The following CSMD1 variants were observed in gnomAD, a reference collection of about 807,000 sequenced individuals.
CSMD1 encodes the protein CUB and sushi domain-containing protein 1.
Under a neutral mutation model 417.5 loss-of-function variants are expected in CSMD1, and 213 were observed. The observed-to-expected ratio is 0.51, with a 90% CI of 0.46 to 0.57. The LOEUF (loss-of-function observed/expected upper bound fraction) is 0.57, where lower values mean the gene tolerates loss of function less well. Among genes scored for constraint, CSMD1 ranks in the 20% least tolerant of loss-of-function variants. The pLI is 0.00. For missense variants in CSMD1, 6,923 were observed against 4,529.7 expected, an observed-to-expected ratio of 1.53 and a Z score of -15.17; for synonymous variants, 2,862 against 1,736.8, an observed-to-expected ratio of 1.65 and a Z score of -16.11.
At chr8:3,474,079 G>C (rs1234039609) in intron 11 of CSMD1, among the ~76,000 whole-genome samples, 1 of 152,082 alleles carries the variant, frequency 6.6e-6, no homozygotes, top group Non-Finnish European at 1.5e-5. Flanking sequence ...ATTACAATTA[G>C]AGATGAGATT....
chr8:3,084,632 A>G (rs72621193), intron 49 of CSMD1, among the ~76,000 whole-genome samples: 37,349 of 151,754 alleles, frequency 0.25, 4,937 homozygotes, highest in East Asian at 0.35. Context: ...AAAATCACAC[A>G]TTTATATTTT....
intron 5 of CSMD1, among the ~76,000 whole-genome samples, chr8:3,773,998 T>G (rs1456711281): frequency 6.6e-6 from 1 of 152,170 alleles, no homozygotes; most frequent in Non-Finnish European, 1.5e-5. Flanking sequence ...TCTTAATTCT[T>G]TTACTTACAC....
intron 6 of CSMD1, among the ~76,000 whole-genome samples, chr8:3,736,087 C>A (rs144110830): frequency 2.0e-5 from 3 of 152,126 alleles, no homozygotes; most frequent in African/African-American, 4.8e-5. Context: ...ATAAATTCTA[C>A]GTTTCCAACA....
At chr8:3,623,136 T>C (rs932800426) in intron 7 of CSMD1, among the ~76,000 whole-genome samples, 1 of 152,174 alleles carries the variant, frequency 6.6e-6, no homozygotes, top group East Asian at 1.9e-4. Context: ...CAGATATAAA[T>C]TAGACAGTTT....
intron 1 of CSMD1, among the ~76,000 whole-genome samples, chr8:4,928,596 T>C (rs2117179049): frequency 6.6e-6 from 1 of 152,294 alleles, no homozygotes; most frequent in Middle Eastern, 3.4e-3. Flanking sequence ...CGAAAGAGGC[T>C]ATCCACAAAC....
At position 4,465,108 on chromosome 8, in the gene CSMD1, AAC is replaced by A. The variant is rs1311335610; in HGVS notation, c.303-45045_303-45044del. Among the ~76,000 whole-genome samples, 13 of 152,282 alleles carry A rather than the reference AAC, an allele frequency of 8.5e-5. No homozygotes were observed. The East Asian group carries it at 2.3e-3, about 27-fold the overall frequency. On this transcript the variant is annotated intron_variant, in intron 2 of 69. Coordinates refer to ENST00000635120, the MANE Select transcript of CSMD1 (RefSeq NM_033225.6). ...GGAACGGTTTTCACTGGGAGACACT[AAC>A]AGTTAATTTTCCCATCTAAGGCTCA...
intron 3 of CSMD1, among the ~76,000 whole-genome samples, chr8:4,131,242 G>C (rs2130980608): frequency 6.6e-6 from 1 of 152,296 alleles, no homozygotes; most frequent in Non-Finnish European, 1.5e-5. Flanking sequence ...TGGTGTGGCT[G>C]AGTACAGAAA....
intron 11 of CSMD1, among the ~76,000 whole-genome samples, chr8:3,470,268 T>G (rs1171150950): frequency 2.0e-5 from 3 of 152,220 alleles, no homozygotes; most frequent in African/African-American, 7.2e-5. Context: ...TGTAGTATTG[T>G]TTCATTTACT....
intron 1 of CSMD1, among the ~76,000 whole-genome samples, chr8:4,978,862 C>G (rs1810712826): frequency 7.1e-6 from 1 of 140,132 alleles, no homozygotes; most frequent in African/African-American, 2.4e-5. Context: ...CGCTTGAACC[C>G]AGGAGGCGGA....
intron 46 of CSMD1, among the ~76,000 whole-genome samples, chr8:3,102,528 C>T (rs200134262): frequency 0.026 from 3,920 of 152,192 alleles, 140 homozygotes; most frequent in East Asian, 0.18. Context: ...TAGAGAATAA[C>T]GCTCATGTTG....
At chr8:3,701,417 C>T (rs1003502917) in intron 7 of CSMD1, among the ~76,000 whole-genome samples, 9 of 152,126 alleles carry the variant, frequency 5.9e-5, no homozygotes, top group Non-Finnish European at 8.8e-5. Flanking sequence ...AGTCTGTCCC[C>T]GGGCTGAACC....
chr8:4,530,459 G>T (rs1235506166), intron 2 of CSMD1, among the ~76,000 whole-genome samples: 2 of 150,324 alleles, frequency 1.3e-5, no homozygotes, highest in Non-Finnish European at 2.9e-5. Context: ...ATCCCCACAT[G>T]CATTAGGTAT....
intron 2 of CSMD1, among the ~76,000 whole-genome samples, chr8:4,471,476 T>C (rs1181127637): frequency 6.6e-6 from 1 of 152,144 alleles, no homozygotes; most frequent in Non-Finnish European, 1.5e-5. Flanking sequence ...ACAAGATGCA[T>C]GTGCCTAACA....
At chr8:4,195,219 T>G (rs1799260501) in intron 3 of CSMD1, among the ~76,000 whole-genome samples, 1 of 152,156 alleles carries the variant, frequency 6.6e-6, no homozygotes, top group Admixed American at 6.5e-5. Flanking sequence ...GTGCATACAT[T>G]CGATTTCAGG....
At chr8:3,395,700 G>T (rs1414049829) in intron 17 of CSMD1, among the ~76,000 whole-genome samples, 2 of 152,152 alleles carry the variant, frequency 1.3e-5, no homozygotes, top group Non-Finnish European at 2.9e-5. Flanking sequence ...GTAAGGTTTA[G>T]CAGGTTTTAA....
chr8:3,206,525 GTGTA>G (rs1477605739), intron 30 of CSMD1, among the ~76,000 whole-genome samples: 5 of 140,008 alleles, frequency 3.6e-5, no homozygotes, highest in Admixed American at 1.5e-4. Flanking sequence ...ATGTCTGCGT[GTGTA>G]TGTATGTGTG....
intron 4 of CSMD1, among the ~76,000 whole-genome samples, chr8:4,027,172 G>T (rs931459286): frequency 2.0e-5 from 3 of 152,130 alleles, no homozygotes; most frequent in African/African-American, 7.2e-5. Flanking sequence ...ATTTAGTTAC[G>T]ACGAGGTAAG....
intron 23 of CSMD1, among the ~76,000 whole-genome samples, chr8:3,313,575 C>G (rs57602523): frequency 6.6e-6 from 1 of 152,186 alleles, no homozygotes; most frequent in Non-Finnish European, 1.5e-5. Context: ...CTATCTCACA[C>G]GAGTTAGAAT....
intron 5 of CSMD1, among the ~76,000 whole-genome samples, chr8:3,894,603 T>G (rs1465494317): frequency 2.0e-5 from 3 of 152,184 alleles, no homozygotes; most frequent in African/African-American, 7.2e-5. Context: ...ATGGGGCTAT[T>G]TACAGAAAAT....
Sources: allele counts gnomAD v4.1 joint callset (sites outside exome capture counted in the v4.1 genomes callset), GRCh38; gene constraint gnomAD v4.1.1; transcripts MANE v1.5; gene names NCBI Gene and HGNC (gene_info 2026-07-23, HGNC 2026-07-21).